The following RBMS1 variants were observed in gnomAD, a reference collection of about 807,000 sequenced individuals.
The protein encoded by RBMS1 is RNA binding motif single stranded interacting protein 1.
A neutral mutation model predicts 62.3 loss-of-function variants in RBMS1; 17 were observed. The ratio of observed to expected loss-of-function variants is 0.27; its 90% CI spans 0.19 to 0.41. The LOEUF is 0.41. RBMS1 is among the 10% of genes least tolerant of loss of function. The pLI is 1.00. For missense variants in RBMS1, 334 were observed against 504.5 expected, an observed-to-expected ratio of 0.66 and a Z score of 3.24; for synonymous variants, 172 against 170.0, an observed-to-expected ratio of 1.01 and a Z score of -0.09.
chr2:160,442,326 A>G (rs1358807584), intron 1 of RBMS1, among the ~76,000 whole-genome samples: 1 of 140,448 alleles, frequency 7.1e-6, no homozygotes, highest in African/African-American at 2.5e-5. Flanking sequence ...TTTTTAGTAT[A>G]GAAATAGGTA....
At chr2:160,438,208 AAAAGTCCATTGTT>A (rs577212574) in intron 1 of RBMS1, among the ~76,000 whole-genome samples, 7 of 152,310 alleles carry the variant, frequency 4.6e-5, no homozygotes, top group African/African-American at 1.7e-4. Context: ...AAGTTATATA[AAAAGTCCATTGTT>A]TATGCAGACG....
intron 1 of RBMS1, among the ~76,000 whole-genome samples, chr2:160,369,658 G>A (rs1395921692): frequency 2.0e-5 from 3 of 152,174 alleles, no homozygotes; most frequent in African/African-American, 7.2e-5. Flanking sequence ...GTGGTCATCT[G>A]GGATGAGACT....
chr2:160,408,837 C>T (rs1346308221), intron 1 of RBMS1, among the ~76,000 whole-genome samples: 3 of 152,232 alleles, frequency 2.0e-5, no homozygotes, highest in Admixed American at 2.0e-4. Context: ...CCTGCGGTCT[C>T]TGGATAAGCC....
chr2:160,285,382 C>T (rs1177722335), intron 7 of RBMS1, among the ~76,000 whole-genome samples: 1 of 152,080 alleles, frequency 6.6e-6, no homozygotes, highest in Non-Finnish European at 1.5e-5. Flanking sequence ...CCTGCACTGT[C>T]CCATGTGATA....
chr2:160,286,827 T>A, intron 7 of RBMS1, 142 bp downstream of exon 7: 1 of 1,480,842 alleles, frequency 6.8e-7, no homozygotes, highest in Non-Finnish European at 9.0e-7. Flanking sequence ...TGAATTATAA[T>A]GTACCGAAAG....
chr2:160,379,267 A>G (rs1469075901), intron 1 of RBMS1, among the ~76,000 whole-genome samples: 2 of 151,950 alleles, frequency 1.3e-5, no homozygotes, highest in African/African-American at 2.4e-5. Flanking sequence ...CCAGCAGCCC[A>G]CCATTATACT....
intron 2 of RBMS1, among the ~76,000 whole-genome samples, chr2:160,363,246 A>T (rs1044414340): frequency 2.6e-5 from 4 of 152,174 alleles, no homozygotes; most frequent in Admixed American, 2.6e-4. Context: ...TGGGTGACAA[A>T]TCTGTTTAAG....
intron 11 of RBMS1, chr2:160,278,292 T>C: frequency 2.0e-6 from 1 of 502,006 alleles, no homozygotes; most frequent in Non-Finnish European, 3.6e-6. Flanking sequence ...ATGACACTAG[T>C]CATAAAAGGC....
chr2:160,481,098 AGC>A (rs1487918466), intron 1 of RBMS1, among the ~76,000 whole-genome samples: 1 of 141,542 alleles, frequency 7.1e-6, no homozygotes, highest in African/African-American at 2.6e-5. Context: ...AAAAAAAAAA[AGC>A]AGGAGTCCAG....
At chr2:160,347,357 C>T (rs1306433660) in intron 2 of RBMS1, among the ~76,000 whole-genome samples, 3 of 152,120 alleles carry the variant, frequency 2.0e-5, no homozygotes, top group African/African-American at 4.8e-5. Flanking sequence ...ACAAGATTCT[C>T]AAACAAATTT....
chr2:160,280,358 A>G (rs1688041592), intron 10 of RBMS1, among the ~76,000 whole-genome samples: 1 of 152,158 alleles, frequency 6.6e-6, no homozygotes, highest in Non-Finnish European at 1.5e-5. Flanking sequence ...CGCCTCTCCT[A>G]TTTCATCACC....
At chr2:160,438,812 C>A (rs1268186309) in intron 1 of RBMS1, among the ~76,000 whole-genome samples, 4 of 152,116 alleles carry the variant, frequency 2.6e-5, no homozygotes, top group Non-Finnish European at 2.9e-5. Flanking sequence ...GGCAGAGGGG[C>A]TCCTCACTTC....
chr2:160,366,209 T>C (rs1185887498), intron 2 of RBMS1, among the ~76,000 whole-genome samples: 1 of 152,214 alleles, frequency 6.6e-6, no homozygotes, highest in Non-Finnish European at 1.5e-5. Context: ...GATGTTACTT[T>C]TAGTTCCAGT....
chr2:160,304,699 A>G (rs1689404524), intron 4 of RBMS1, among the ~76,000 whole-genome samples: 1 of 152,204 alleles, frequency 6.6e-6, no homozygotes, highest in South Asian at 2.1e-4. Flanking sequence ...AAATAGAACA[A>G]TGCTTATAGA....
Position 160,400,760 on chromosome 2 carries a change from A to ATTTAAGTTAAAAT in RBMS1, c.76-33370_76-33369insATTTTAACTTAAA, listed in dbSNP as rs1407089141. Among the ~76,000 whole-genome samples the ATTTAAGTTAAAAT allele has an allele frequency of 5.3e-5, 8 of 152,310 alleles. No individual in the cohort carries two copies. The East Asian group carries it at 9.6e-4, about 18-fold the overall frequency. The stretch of plus-strand genomic sequence containing the variant: ...ATAAAAAATAGGAAAATTTTAAGTT[A>ATTTAAGTTAAAAT]TTAAGTTAAAAAGTATCTGTCAGAA... On this transcript the variant is annotated intron_variant, in intron 1 of 13. Coordinates refer to ENST00000348849, the MANE Select transcript of RBMS1 (RefSeq NM_016836.4).
intron 1 of RBMS1, among the ~76,000 whole-genome samples, chr2:160,480,077 A>G (rs1018264931): frequency 2.6e-5 from 4 of 152,196 alleles, no homozygotes; most frequent in African/African-American, 9.6e-5. Context: ...AGAAGTTGGT[A>G]TCTAAGCAGC....
intron 1 of RBMS1, among the ~76,000 whole-genome samples, chr2:160,463,575 A>C (rs1288447623): frequency 5.3e-5 from 8 of 152,206 alleles, no homozygotes; most frequent in East Asian, 1.9e-4. Context: ...ATCTGAGGTC[A>C]GGAGTTCGAG....
intron 1 of RBMS1, among the ~76,000 whole-genome samples, chr2:160,465,888 A>ACACACACACACACACACACACACACT (rs569580064): frequency 4.1e-5 from 6 of 145,280 alleles, no homozygotes; most frequent in South Asian, 2.2e-4. Context: ...ACACACACAC[A>ACACACACACACACACACACACACACT]CTCTCACATT....
At chr2:160,323,545 G>A (rs1035140231) in intron 2 of RBMS1, among the ~76,000 whole-genome samples, 2 of 149,158 alleles carry the variant, frequency 1.3e-5, no homozygotes, top group East Asian at 2.0e-4. Context: ...CCTGACTGGC[G>A]GAATTCACAC....
Sources: allele counts gnomAD v4.1 joint callset (sites outside exome capture counted in the v4.1 genomes callset), GRCh38; gene constraint gnomAD v4.1.1; transcripts MANE v1.5; gene names NCBI Gene and HGNC (gene_info 2026-07-23, HGNC 2026-07-21).